The following EPB41L5 variants were observed in gnomAD, a reference collection of about 807,000 sequenced individuals.
EPB41L5 encodes the protein erythrocyte membrane protein band 4.1 like 5, also known as band 4.1-like protein 5.
Under a neutral mutation model 106.6 loss-of-function variants are expected in EPB41L5, and 55 were observed. The observed-to-expected ratio is 0.52, with a 90% CI of 0.42 to 0.65. The LOEUF (loss-of-function observed/expected upper bound fraction) is 0.65, where lower values mean the gene tolerates loss of function less well. Ranked by LOEUF, EPB41L5 falls within the 30% of genes least tolerant of loss-of-function variation. The pLI is 0.00. For missense variants in EPB41L5, 871 were observed against 882.1 expected, an observed-to-expected ratio of 0.99 and a Z score of 0.16; for synonymous variants, 297 against 306.7, an observed-to-expected ratio of 0.97 and a Z score of 0.33.
intron 5 of EPB41L5, among the ~76,000 whole-genome samples, chr2:120,074,974 A>G (rs1434939176): frequency 6.6e-6 from 1 of 152,134 alleles, no homozygotes; most frequent in Non-Finnish European, 1.5e-5. Context: ...GATTACAGGC[A>G]CGTGCTCACA....
At position 120,019,108 on chromosome 2, in the gene EPB41L5, A is replaced by C; in HGVS notation, c.24A>C (p.Thr8=). 2 of 1,610,306 alleles carry C rather than the reference A, an allele frequency of 1.2e-6. No homozygotes were observed. Among genetic ancestry groups the C allele is most frequent in the Non-Finnish European group, 1.7e-6 (2 of 1,179,268 alleles). The change falls in exon 2 of 25, where the codon ACA becomes ACC. Residue 8 remains threonine (T), a synonymous_variant. Transcript: ENST00000263713. ...AAATGCTGAGTTTCTTCCGTAGAAC[A>C]CTAGGGCGTCGGTCTATGCGTAAAC... The part of the protein sequence containing the change: MLSFFRR[T]LGRRSMRKHA...
chr2:120,116,547 G>A (rs1684955432), intron 16 of EPB41L5, among the ~76,000 whole-genome samples: 1 of 151,804 alleles, frequency 6.6e-6, no homozygotes, highest in South Asian at 2.1e-4. Context: ...TTTGAGATAG[G>A]GTCTTGCTCT....
intron 21 of EPB41L5, among the ~76,000 whole-genome samples, chr2:120,164,335 C>T (rs1433963433): frequency 6.6e-6 from 1 of 152,100 alleles, no homozygotes. Flanking sequence ...CCACCTCAGC[C>T]TCCTGAGTAG....
rs140448057 is a variant in EPB41L5, at chr2:120,072,566, G to A, written c.286-612G>A. ...CAATGATAGACTGGATAAGGAAAAT[G>A]TAGCACATATACACCATGGAATACT... On this transcript the variant is annotated intron_variant, in intron 3 of 24. Coordinates refer to ENST00000263713, the MANE Select transcript of EPB41L5 (RefSeq NM_020909.4). Among the ~76,000 whole-genome samples the A allele has an allele frequency of 1.1e-4, 16 of 152,322 alleles. No individual in the cohort carries two copies. In the East Asian group the frequency reaches 2.9e-3, roughly 28 times the overall value.
At chr2:120,134,073 G>T (rs1685819601) in intron 18 of EPB41L5, among the ~76,000 whole-genome samples, 1 of 151,998 alleles carries the variant, frequency 6.6e-6, no homozygotes, top group Non-Finnish European at 1.5e-5. Context: ...GCTGACAAAA[G>T]AATCCTTGGG....
intron 16 of EPB41L5, among the ~76,000 whole-genome samples, chr2:120,103,838 A>G (rs974751747): frequency 2.6e-5 from 4 of 152,162 alleles, no homozygotes; most frequent in African/African-American, 9.7e-5. Context: ...GATTACTTAC[A>G]TGTATTTCCA....
intron 3 of EPB41L5, among the ~76,000 whole-genome samples, chr2:120,061,902 C>T (rs1246374467): frequency 1.3e-5 from 2 of 152,072 alleles, no homozygotes; most frequent in East Asian, 1.9e-4. Flanking sequence ...TTGATGTAAG[C>T]ATGGGTAGAC....
chr2:120,094,913 T>C (rs1240518388), intron 14 of EPB41L5, among the ~76,000 whole-genome samples: 1 of 152,218 alleles, frequency 6.6e-6, no homozygotes, highest in Non-Finnish European at 1.5e-5. Context: ...ACATACTTTG[T>C]ATGATTTCAA....
intron 18 of EPB41L5, among the ~76,000 whole-genome samples, chr2:120,136,331 G>T (rs572804772): frequency 6.6e-6 from 1 of 151,372 alleles, no homozygotes; most frequent in East Asian, 1.9e-4. Flanking sequence ...AAAAAGGAAG[G>T]CAGGCAAGAA....
intron 17 of EPB41L5, among the ~76,000 whole-genome samples, chr2:120,130,762 C>T (rs1285031963): frequency 6.6e-6 from 1 of 152,148 alleles, no homozygotes; most frequent in African/African-American, 2.4e-5. Context: ...GAAAGCTCTC[C>T]AGCTGATTGT....
intron 1 of EPB41L5, among the ~76,000 whole-genome samples, chr2:120,015,808 G>C (rs898964983): frequency 4.0e-5 from 6 of 151,526 alleles, no homozygotes; most frequent in African/African-American, 1.2e-4. Flanking sequence ...ACGTTAGCCC[G>C]GTGGGATGGT....
chr2:120,157,057 A>G (rs1487470403), intron 20 of EPB41L5, among the ~76,000 whole-genome samples: 1 of 152,212 alleles, frequency 6.6e-6, no homozygotes, highest in Non-Finnish European at 1.5e-5. Flanking sequence ...TCCTCAGCAA[A>G]TGTAGAAGAA....
chr2:120,074,339 T>C, intron 5 of EPB41L5, 161 bp downstream of exon 5: 1 of 571,524 alleles, frequency 1.7e-6, no homozygotes, highest in East Asian at 3.0e-5. Context: ...GTTTTTTAAG[T>C]GTATGATTCT....
At chr2:120,020,978 C>G (rs1677883658) in intron 2 of EPB41L5, among the ~76,000 whole-genome samples, 1 of 152,194 alleles carries the variant, frequency 6.6e-6, no homozygotes, top group Non-Finnish European at 1.5e-5. Context: ...AATTTATAAA[C>G]TAGCTGGTCT....
chr2:120,165,966 T>TC (rs1446535470), intron 22 of EPB41L5, among the ~76,000 whole-genome samples: 1 of 29,724 alleles, frequency 3.4e-5, no homozygotes, highest in East Asian at 9.9e-4. Flanking sequence ...AGACTCCGTC[T>TC]CAAAAAAAAA....
intron 3 of EPB41L5, among the ~76,000 whole-genome samples, chr2:120,068,826 T>TA (rs35432184): frequency 1.5e-4 from 22 of 149,304 alleles, no homozygotes; most frequent in Admixed American, 4.7e-4. Flanking sequence ...ATTGGAACGT[T>TA]AAAAAAAAAA....
chr2:120,025,482 A>G (rs1050958822), intron 2 of EPB41L5, among the ~76,000 whole-genome samples: 1 of 152,098 alleles, frequency 6.6e-6, no homozygotes, highest in South Asian at 2.1e-4. Context: ...CAGCACACCA[A>G]TTGGTCTTGA....
chr2:120,040,878 T>A (rs191221418), intron 2 of EPB41L5, among the ~76,000 whole-genome samples: 368 of 152,234 alleles, frequency 2.4e-3, no homozygotes, highest in Middle Eastern at 0.01. Flanking sequence ...GAGATTGATA[T>A]GATAAACCAA....
chr2:120,028,097 C>A (rs1186297815), intron 2 of EPB41L5, among the ~76,000 whole-genome samples: 1 of 152,102 alleles, frequency 6.6e-6, no homozygotes, highest in African/African-American at 2.4e-5. Context: ...CTCCTGCCCT[C>A]AGGTGATCCA....
Sources: allele counts gnomAD v4.1 joint callset (sites outside exome capture counted in the v4.1 genomes callset), GRCh38; gene constraint gnomAD v4.1.1; transcripts MANE v1.5; gene names NCBI Gene and HGNC (gene_info 2026-07-23, HGNC 2026-07-21).